CAMKK1: variants seen among roughly 807,000 people sequenced by gnomAD.
CAMKK1 encodes the protein calcium/calmodulin dependent protein kinase kinase 1, also known as calcium/calmodulin-dependent protein kinase kinase 1.
A neutral mutation model predicts 63.5 loss-of-function variants in CAMKK1; 20 were observed. The observed-to-expected ratio is 0.32, with a 90% CI of 0.22 to 0.46. The LOEUF (loss-of-function observed/expected upper bound fraction) is 0.46, where lower values mean the gene tolerates loss of function less well. Among genes scored for constraint, CAMKK1 ranks in the 20% least tolerant of loss-of-function variants. CAMKK1 has a pLI of 1.00. For missense variants in CAMKK1, 588 were observed against 658.1 expected (o/e 0.89, Z 1.17); for synonymous variants, 253 against 269.0 (o/e 0.94, Z 0.58).
Position 3,876,307 on chromosome 17 carries a change from G to A in CAMKK1, c.912C>T (p.Asp304=), listed in dbSNP as rs752862171. The stretch of plus-strand genomic sequence containing the variant: ...TTCCCGCCGTGCTGGACAGCTGAGC[G>A]TCGTTCCCCTCAAACTGGTTGCTGA... ...FGVSNQFEGN[D]AQLSSTAGTP... Residue 304 remains aspartate (D), a synonymous_variant, in exon 10 of 16, where the codon GAC becomes GAT. Transcript: ENST00000348335. 121 of 1,614,156 alleles carry A rather than the reference G, an allele frequency of 7.5e-5. No homozygotes were observed. Among genetic ancestry groups the A allele is most frequent in the Middle Eastern group, 1.6e-4 (1 of 6,084 alleles).
intron 12 of CAMKK1, among the ~76,000 whole-genome samples, chr17:3,871,350 T>TTTTTTG (rs1567618078): frequency 4.6e-5 from 3 of 64,660 alleles, no homozygotes; most frequent in African/African-American, 9.4e-5. Flanking sequence ...TTTTTTTGTT[T>TTTTTTG]TTTTTTTTTT....
chr17:3,883,164 G>C lies in CAMKK1; in HGVS notation c.526C>G (p.Pro176Ala). 6.2e-7 allele frequency: 1 copy of C among 1,610,564 alleles called. No individual in the cohort carries two copies. The highest frequency in any genetic ancestry group is 1.1e-5 in the South Asian group (1 of 91,072). ...CCCTGGGCAGCCTGGGACCCTCTCG[G>C]GGGAGGGCGACCTGTGACCAGGAAG... Reference protein sequence around the residue: ...KQYGFPRRPPPRGSQAAQGGP... With the variant: ...KQYGFPRRPPARGSQAAQGGP... Residue 176 changes from proline (P) to alanine (A), a missense_variant, in exon 6 of 16, where the codon CCG becomes GCG. This residue lies in a region of CAMKK1 where 357 missense variants were observed against 407.4 expected (regional missense o/e 0.88). Coordinates refer to ENST00000348335, the MANE Select transcript of CAMKK1 (RefSeq NM_032294.3). This position sits in a 1 kb window ranked among gnomAD's most constrained non-coding sequence, Gnocchi z 4.7.
At chr17:3,873,344 G>T in intron 11 of CAMKK1, 65 bp downstream of exon 11, 1 of 1,421,506 alleles carries the variant, frequency 7.0e-7, no homozygotes. Context: ...GGAAGAGCCT[G>T]CATCCGTCGC....
Position 3,876,313 on chromosome 17 carries a change from C to T in CAMKK1, c.906G>A (p.Gly302=). Reference sequence around the variant, plus strand: ...CCGTGCTGGACAGCTGAGCGTCGTTCCCCTCAAACTGGTTGCTGACGCCAA... The same window carrying T: ...CCGTGCTGGACAGCTGAGCGTCGTTTCCCTCAAACTGGTTGCTGACGCCAA... ...ADFGVSNQFE[G]NDAQLSSTAG... The change falls in exon 10 of 16, where the codon GGG becomes GGA. Residue 302 remains glycine (G), a synonymous_variant. Transcript: ENST00000348335. 4.3e-6 allele frequency: 7 copies of T among 1,614,228 alleles called. No homozygotes were observed. The highest frequency in any genetic ancestry group is 1.7e-5 in the Admixed American group (1 of 60,034).
intron 10 of CAMKK1, among the ~76,000 whole-genome samples, chr17:3,875,116 C>T (rs1327786130): frequency 1.3e-5 from 2 of 150,576 alleles, no homozygotes; most frequent in Non-Finnish European, 3.0e-5. Flanking sequence ...AGCGAGACTC[C>T]GGCTCAAAAA....
rs543245757 is a variant in CAMKK1 at position 3,871,648 on chromosome 17, A to G, written c.1124+906T>C. 8.5e-3 allele frequency among the ~76,000 whole-genome samples: 1,176 copies of G among 137,644 alleles called. 7 individuals carry two copies. The highest frequency in any genetic ancestry group is 0.011 in the Non-Finnish European group (706 of 65,256). The allele number at this position is 137,644 out of a possible 152,430, so 90.3% of individuals were successfully genotyped here. On this transcript the variant is annotated intron_variant, in intron 12 of 15. Transcript: ENST00000348335. ...TGGAATTACAGGTGTGAGCCGCCGC[A>G]CCCGGCCTTATTCAGTTTCTTTCTT...
At chr17:3,875,187 A>G (rs1278111291) in intron 10 of CAMKK1, among the ~76,000 whole-genome samples, 1 of 152,216 alleles carries the variant, frequency 6.6e-6, no homozygotes, top group Admixed American at 6.5e-5. Flanking sequence ...AATCTGGGTA[A>G]AAAGATATAG....
In CAMKK1 at chr17:3,884,017, G is replaced by T; in HGVS notation, c.409-80C>A. The T allele has an allele frequency of 1.4e-6, 2 of 1,396,654 alleles. No homozygotes were observed. The highest frequency in any genetic ancestry group is 1.4e-5 in the African/African-American group (1 of 70,658). The allele number at this position is 1,396,654 out of a possible 1,614,324, so 86.5% of individuals were successfully genotyped here. The stretch of plus-strand genomic sequence containing the variant: ...AGCTCAGGAGGTGGGGAGCCGAGCA[G>T]CTCTGGTCTCTCCTGCACCCCATCT... On this transcript the variant is annotated intron_variant, in intron 3 of 15. Transcript: ENST00000348335. This position sits in a 1 kb window ranked among gnomAD's most constrained non-coding sequence, Gnocchi z 4.5.
chr17:3,871,411 G>A (rs2054863725), intron 12 of CAMKK1, among the ~76,000 whole-genome samples: 2 of 127,978 alleles, frequency 1.6e-5, no homozygotes, highest in African/African-American at 2.9e-5. Flanking sequence ...CTGGAGTGCA[G>A]TAGCACGGTC....
At chr17:3,870,649 G>A (rs920840947) in intron 12 of CAMKK1, among the ~76,000 whole-genome samples, 5 of 152,098 alleles carry the variant, frequency 3.3e-5, no homozygotes, top group African/African-American at 1.2e-4. Flanking sequence ...ACAGGCGTGA[G>A]CCACCACGCC....
At chr17:3,891,682 G>A (rs1001613575) in intron 1 of CAMKK1, among the ~76,000 whole-genome samples, 5 of 152,216 alleles carry the variant, frequency 3.3e-5, no homozygotes, top group African/African-American at 1.2e-4. Context: ...GCTGGCCTCA[G>A]GGATGGCTTC....
chr17:3,868,347 CACTG>C (rs2054657906), intron 14 of CAMKK1, among the ~76,000 whole-genome samples: 1 of 150,604 alleles, frequency 6.6e-6, no homozygotes, highest in African/African-American at 2.5e-5. Flanking sequence ...GAGACGCAGG[CACTG>C]CCTGATTGAT....
At chr17:3,872,279 G>T (rs11650638) in intron 12 of CAMKK1, among the ~76,000 whole-genome samples, 1 of 152,198 alleles carries the variant, frequency 6.6e-6, no homozygotes, top group South Asian at 2.1e-4. Flanking sequence ...ACTGACCCCA[G>T]GCAGGCCTGC....
At chr17:3,873,762 G>T (rs1439467518) in intron 10 of CAMKK1, among the ~76,000 whole-genome samples, 1 of 152,126 alleles carries the variant, frequency 6.6e-6, no homozygotes, top group African/African-American at 2.4e-5. Flanking sequence ...GGTCACACGG[G>T]CCGCTCCCGT....
Position 3,888,399 on chromosome 17 carries a change from C to T in CAMKK1, c.-43-2669G>A, listed in dbSNP as rs981356976. ...CTGTTCCAGCCTGAGCCCTGTTACCCGGTTTGGCGCCCAGGCTCTGAAGCC... is the reference window on the plus strand; with the variant it reads ...CTGTTCCAGCCTGAGCCCTGTTACCTGGTTTGGCGCCCAGGCTCTGAAGCC... On this transcript the variant is annotated intron_variant, in intron 1 of 15. Coordinates refer to ENST00000348335, the MANE Select transcript of CAMKK1 (RefSeq NM_032294.3). 6.6e-5 allele frequency among the ~76,000 whole-genome samples: 10 copies of T among 152,318 alleles called. No individual in the cohort carries two copies. The South Asian group carries it at 1.5e-3, about 22-fold the overall frequency.
chr17:3,884,248 G>A lies in CAMKK1; in HGVS notation c.408+132C>T. ...TGGGTACCTGGGTACTTCCCACAGG[G>A]CACGAAACTGTCCTCACCTCCAGGC... On this transcript the variant is annotated intron_variant, in intron 3 of 15. Coordinates refer to ENST00000348335, the MANE Select transcript of CAMKK1 (RefSeq NM_032294.3). The surrounding 1 kb of genome is among the most constrained non-coding windows in gnomAD (Gnocchi z 4.5). 1 of 952,566 alleles carries A rather than the reference G, an allele frequency of 1.0e-6. No individual in the cohort carries two copies. The allele number at this position is 952,566 out of a possible 1,614,324, so 59.0% of individuals were successfully genotyped here.
chr17:3,880,145 ATGCCCAGTGGAGTCCACCGCCCG>A (rs988178464), intron 9 of CAMKK1, 178 bp downstream of exon 9: 2 of 589,720 alleles, frequency 3.4e-6, no homozygotes, highest in Non-Finnish European at 6.1e-6. Context: ...GATCTGGCAC[ATGCCCAGTGGAGTCCACCGCCCG>A]CCCCACCCCA....
intron 12 of CAMKK1, among the ~76,000 whole-genome samples, chr17:3,871,548 G>T (rs1477032823): frequency 6.7e-6 from 1 of 149,568 alleles, no homozygotes; most frequent in Non-Finnish European, 1.5e-5. Flanking sequence ...AGTAGAGATG[G>T]GGTTTCACCG....
In CAMKK1 at chr17:3,893,011, C is replaced by CCCGCCCCGCCCCACCGCCTCGCT. The variant is rs2055960890; in HGVS notation, c.-139_-117dup. ...GCTCCTGCTGCGCGCCCCGCCCCGC[C>CCCGCCCCGCCCCACCGCCTCGCT]CCGCCCCGCCCCACCGCCTCGCTGG... is the stretch of plus-strand genomic sequence containing the variant. On this transcript the variant is annotated 5_prime_UTR_variant, in exon 1 of 16. Coordinates refer to ENST00000348335, the MANE Select transcript of CAMKK1 (RefSeq NM_032294.3). This position sits in a 1 kb window ranked among gnomAD's most constrained non-coding sequence, Gnocchi z 4.6. 1 of 149,218 alleles carries CCCGCCCCGCCCCACCGCCTCGCT rather than the reference C, an allele frequency of 6.7e-6. No individual in the cohort carries two copies. Among genetic ancestry groups the CCCGCCCCGCCCCACCGCCTCGCT allele is most frequent in the Non-Finnish European group, 1.5e-5 (1 of 66,642 alleles). 9.2% of individuals were successfully genotyped at this position (149,218 alleles called of 1,614,324 possible).
Sources: allele counts gnomAD v4.1 joint callset (sites outside exome capture counted in the v4.1 genomes callset), GRCh38; gene constraint gnomAD v4.1.1; regional missense constraint gnomAD v4.1.1; non-coding constraint Gnocchi (gnomAD v3.1); transcripts MANE v1.5; gene names NCBI Gene and HGNC (gene_info 2026-07-23, HGNC 2026-07-21).